PRDM5: variants seen among roughly 807,000 people sequenced by gnomAD.
PRDM5 encodes PR domain zinc finger protein 5.
A neutral mutation model predicts 81.2 loss-of-function variants in PRDM5; 56 were observed. The ratio of observed to expected loss-of-function variants is 0.69; its 90% CI spans 0.56 to 0.86. The LOEUF (loss-of-function observed/expected upper bound fraction) is 0.86. Ranked by LOEUF, PRDM5 falls within the 40% of genes least tolerant of loss-of-function variation. PRDM5 has a pLI of 0.00. For synonymous variants in PRDM5, 267 were observed against 256.4 expected (o/e 1.04, Z -0.39); for missense variants, 697 against 770.1 (o/e 0.91, Z 1.12).
intron 8 of PRDM5, among the ~76,000 whole-genome samples, chr4:120,807,307 C>T (rs1753130013): frequency 6.6e-6 from 1 of 152,210 alleles, no homozygotes; most frequent in Non-Finnish European, 1.5e-5. Flanking sequence ...CCTCCGGGAG[C>T]TAGAACTAGA....
chr4:120,803,500 T>C (rs1039650517), intron 8 of PRDM5, among the ~76,000 whole-genome samples: 2 of 152,176 alleles, frequency 1.3e-5, no homozygotes, highest in South Asian at 4.1e-4. Context: ...AGACTAACAG[T>C]GGATCTCTTG....
intron 13 of PRDM5, among the ~76,000 whole-genome samples, chr4:120,766,538 G>A (rs905819238): frequency 1.3e-5 from 2 of 152,148 alleles, no homozygotes; most frequent in African/African-American, 4.8e-5. Flanking sequence ...TCTTCAATTG[G>A]TTGATATATC....
chr4:120,740,034 T>C (rs750746654), intron 14 of PRDM5, among the ~76,000 whole-genome samples: 20 of 152,318 alleles, frequency 1.3e-4, no homozygotes, highest in Non-Finnish European at 2.6e-4. Context: ...GAAAATGCCT[T>C]ATTGTGATAG....
chr4:120,707,965 C>T (rs1226086996), intron 15 of PRDM5, among the ~76,000 whole-genome samples: 1 of 151,820 alleles, frequency 6.6e-6, no homozygotes, highest in East Asian at 1.9e-4. Context: ...TGGTCAGATA[C>T]TTCACACCCA....
rs560591234 is a variant in PRDM5, at chr4:120,787,383, T to C, written c.1189-2292A>G. Among the ~76,000 whole-genome samples, 354 of 152,294 alleles carry C rather than the reference T, an allele frequency of 2.3e-3. 1 individual carries two copies. Among genetic ancestry groups the C allele is most frequent in the Non-Finnish European group, 3.8e-3 (259 of 68,038 alleles). ...CTGACTGGCCAGTGCAGGAATTTTG[T>C]CTTTTATTCTAAGAGAGATGTAACT... On this transcript the variant is annotated intron_variant, in intron 10 of 15. Transcript: ENST00000264808.
chr4:120,899,022 A>G (rs1278830512), intron 2 of PRDM5, among the ~76,000 whole-genome samples: 1 of 152,212 alleles, frequency 6.6e-6, no homozygotes, highest in Non-Finnish European at 1.5e-5. Context: ...ATGTTCTCAT[A>G]AAGAATCCTT....
chr4:120,777,635 C>T (rs539956800), intron 12 of PRDM5, among the ~76,000 whole-genome samples: 4 of 152,202 alleles, frequency 2.6e-5, no homozygotes, highest in Admixed American at 1.3e-4. Context: ...AGAAACACTT[C>T]ATTTGAAGCA....
At position 120,790,836 on chromosome 4, in the gene PRDM5, C is replaced by T. The variant is rs564012909; in HGVS notation, c.1189-5745G>A. On this transcript the variant is annotated intron_variant, in intron 10 of 15. Transcript: ENST00000264808. The stretch of plus-strand genomic sequence containing the variant: ...GCCAAGCATGGTGGTGTGCACTACT[C>T]GGGAGGCTGAGGTGGAAGACTGCTT... Among the ~76,000 whole-genome samples, 11 of 152,126 alleles carry T rather than the reference C, an allele frequency of 7.2e-5. 1 individual carries two copies. The East Asian group carries it at 7.7e-4, about 11-fold the overall frequency.
intron 3 of PRDM5, among the ~76,000 whole-genome samples, chr4:120,850,327 A>G (rs1024078922): frequency 5.9e-5 from 9 of 152,108 alleles, no homozygotes; most frequent in Non-Finnish European, 1.0e-4. Flanking sequence ...TACCAACTCA[A>G]TGTTTCTGGA....
At chr4:120,707,227 A>G (rs1256817619) in intron 15 of PRDM5, among the ~76,000 whole-genome samples, 2 of 152,138 alleles carry the variant, frequency 1.3e-5, no homozygotes, top group Non-Finnish European at 2.9e-5. Flanking sequence ...AAAGGGTTCT[A>G]AATCATGACC....
Position 120,884,747 on chromosome 4 carries a change from A to C in PRDM5, c.177+22727T>G, listed in dbSNP as rs183785847. On this transcript the variant is annotated intron_variant, in intron 2 of 15. Transcript: ENST00000264808. The stretch of plus-strand genomic sequence containing the variant: ...ATCCTCCTCCTTCAAAGAACATTAA[A>C]TTTATTCATATACCTACTCTTTCCT... 3.7e-4 allele frequency among the ~76,000 whole-genome samples: 57 copies of C among 152,274 alleles called. No homozygotes were observed. The East Asian group carries it at 6.2e-3, about 16-fold the overall frequency.
At chr4:120,792,069 C>T (rs895450901) in intron 10 of PRDM5, among the ~76,000 whole-genome samples, 7 of 152,160 alleles carry the variant, frequency 4.6e-5, no homozygotes, top group African/African-American at 1.7e-4. Flanking sequence ...ACTGAAGACA[C>T]CCACCATCTC....
At chr4:120,740,819 TCAAAA>T (rs1468185348) in intron 14 of PRDM5, among the ~76,000 whole-genome samples, 1 of 152,150 alleles carries the variant, frequency 6.6e-6, no homozygotes, top group Non-Finnish European at 1.5e-5. Flanking sequence ...ACTCCTCTAC[TCAAAA>T]CCAAACCAAA....
rs1447449192 is a variant in PRDM5 at position 120,781,325 on chromosome 4, T to C, written c.1283-22A>G. ...TCACCTTAGAAACAAAGAGAAACAT[T>C]TAAGAAGCAATAGCAGGGTCCTATT... On this transcript the variant is annotated intron_variant, in intron 11 of 15. Transcript: ENST00000264808. The C allele has an allele frequency of 2.5e-6, 4 of 1,608,000 alleles. No homozygotes were observed. The East Asian group carries it at 9.0e-5, about 36-fold the overall frequency.
chr4:120,832,394 A>G (rs1345618804), intron 3 of PRDM5, among the ~76,000 whole-genome samples: 2 of 152,148 alleles, frequency 1.3e-5, no homozygotes, highest in African/African-American at 2.4e-5. Context: ...CCCACAGCAC[A>G]TGAGGATTAT....
intron 14 of PRDM5, among the ~76,000 whole-genome samples, chr4:120,748,207 G>C (rs1050638527): frequency 5.9e-5 from 9 of 152,192 alleles, no homozygotes; most frequent in African/African-American, 1.7e-4. Context: ...GTTTGGAGTG[G>C]TAAAGCAGAC....
intron 1 of PRDM5, among the ~76,000 whole-genome samples, chr4:120,910,068 T>C (rs1304994179): frequency 4.2e-5 from 1 of 23,614 alleles, no homozygotes; most frequent in Non-Finnish European, 1.2e-4. Context: ...TTTCATATGC[T>C]TTAAAAAAAA....
At chr4:120,871,953 C>T (rs1443587486) in intron 2 of PRDM5, among the ~76,000 whole-genome samples, 1 of 151,624 alleles carries the variant, frequency 6.6e-6, no homozygotes, top group Non-Finnish European at 1.5e-5. Context: ...GAGTTCGAGA[C>T]CAGCCTGACC....
At chr4:120,888,638 T>C (rs888203476) in intron 2 of PRDM5, among the ~76,000 whole-genome samples, 1 of 152,234 alleles carries the variant, frequency 6.6e-6, no homozygotes, top group African/African-American at 2.4e-5. Context: ...AACTGCTGAA[T>C]CATATCATAT....
Sources: gnomAD v4.1 joint callset for allele counts (sites outside exome capture counted in the v4.1 genomes callset) on GRCh38, gnomAD v4.1.1 for gene constraint, MANE v1.5 for transcripts, NCBI Gene and HGNC (gene_info 2026-07-23, HGNC 2026-07-21) for gene names.